Variants in PARD6G observed in about 807,000 individuals in gnomAD.
The protein encoded by PARD6G is partitioning defective 6 homolog gamma.
Under a neutral mutation model 10.7 loss-of-function variants are expected in PARD6G, and 7 were observed. The observed-to-expected ratio is 0.66, with a 90% CI of 0.37 to 1.23. The LOEUF is 1.23. Among genes scored for constraint, PARD6G ranks in the 50% most tolerant of loss-of-function variants. The pLI is 0.02. For synonymous variants in PARD6G, 287 were observed against 269.4 expected (o/e 1.07, Z -0.64); for missense variants, 548 against 571.8 (o/e 0.96, Z 0.42).
At chr18:80,226,487 T>A (rs1337396429) in intron 1 of PARD6G, among the ~76,000 whole-genome samples, 2 of 152,194 alleles carry the variant, frequency 1.3e-5, no homozygotes, top group Non-Finnish European at 2.9e-5. Flanking sequence ...TCTAGAGATA[T>A]CTTATGCATA....
intron 2 of PARD6G, among the ~76,000 whole-genome samples, chr18:80,167,167 G>C (rs55949110): frequency 6.6e-6 from 1 of 152,192 alleles, no homozygotes; most frequent in South Asian, 2.1e-4. Flanking sequence ...TCCTGCCTGA[G>C]AGCATCATGT....
intron 2 of PARD6G, among the ~76,000 whole-genome samples, chr18:80,190,387 C>T (rs1243939736): frequency 6.6e-6 from 1 of 152,198 alleles, no homozygotes; most frequent in Non-Finnish European, 1.5e-5. Context: ...GTGTACACTG[C>T]CTCTCGTCCA....
Position 80,189,290 on chromosome 18 carries a change from G to A in PARD6G, c.295+13420C>T, listed in dbSNP as rs2052895294. Reference sequence around the variant, plus strand: ...TTCTTTCTTTTTAAAGGAGATCACAGAAGGCCAACAAAGAGGCCTGGGGCA... The same window carrying A: ...TTCTTTCTTTTTAAAGGAGATCACAAAAGGCCAACAAAGAGGCCTGGGGCA... On this transcript the variant is annotated intron_variant, in intron 2 of 2. Coordinates refer to ENST00000353265, the MANE Select transcript of PARD6G (RefSeq NM_032510.4). The surrounding 1 kb of genome is among the most constrained non-coding windows in gnomAD (Gnocchi z 5.5). 1 of 152,236 alleles carries A rather than the reference G, an allele frequency of 6.6e-6. No individual in the cohort carries two copies. The highest frequency in any genetic ancestry group is 6.5e-5 in the Admixed American group (1 of 15,290). The allele number at this position is 152,236 out of a possible 1,614,324, so 9.4% of individuals were successfully genotyped here. A position where few individuals can be genotyped will look rare whatever the true frequency, so the allele number is the denominator to read the frequency against.
At chr18:80,209,485 A>G (rs1967086099) in intron 1 of PARD6G, among the ~76,000 whole-genome samples, 4 of 152,110 alleles carry the variant, frequency 2.6e-5, no homozygotes, top group African/African-American at 9.7e-5. Flanking sequence ...AATTATCTCA[A>G]ATACAAAATA....
chr18:80,220,395 A>G (rs1477809864), intron 1 of PARD6G, among the ~76,000 whole-genome samples: 1 of 152,146 alleles, frequency 6.6e-6, no homozygotes, highest in Non-Finnish European at 1.5e-5. Context: ...TCAAAATTAA[A>G]TGCAATGTGT....
In PARD6G at chr18:80,160,514, C is replaced by T. The variant is rs1339329555; in HGVS notation, c.388G>A (p.Ala130Thr). 3 of 1,530,644 alleles carry T rather than the reference C, an allele frequency of 2.0e-6. No individual in the cohort carries two copies. The highest frequency in any genetic ancestry group is 1.8e-6 in the Non-Finnish European group (2 of 1,138,700). 94.8% of individuals were successfully genotyped at this position (1,530,644 alleles called of 1,614,324 possible). A position where few individuals can be genotyped will look rare whatever the true frequency, so the allele number is the denominator to read the frequency against. The part of the protein sequence containing the change: ...ALRDEGPRRR[A>T]HLDIGLPRDF... Reference sequence around the variant, plus strand: ...CGCGGGAGGCCGATGTCCAGGTGTGCACGCCGCCGGGGTCCTTCATCACGC... The same window carrying T: ...CGCGGGAGGCCGATGTCCAGGTGTGTACGCCGCCGGGGTCCTTCATCACGC... The change falls in exon 3 of 3, where the codon GCA becomes ACA. Residue 130 changes from alanine (A) to threonine (T), a missense_variant. Ala to Thr is a moderately conservative substitution (Grantham distance 58). Transcript: ENST00000353265.
rs1332552470 is a variant in PARD6G, at chr18:80,188,363, C to T, written c.295+14347G>A. The stretch of plus-strand genomic sequence containing the variant: ...GGGAACAGAGACTTGGATTCCAGTG[C>T]TGGTGTCTCTTCCAACAAGAATACT... On this transcript the variant is annotated intron_variant, in intron 2 of 2. Coordinates refer to ENST00000353265, the MANE Select transcript of PARD6G (RefSeq NM_032510.4). This position sits in a 1 kb window ranked among gnomAD's most constrained non-coding sequence, Gnocchi z 5.4. Among the ~76,000 whole-genome samples the T allele has an allele frequency of 2.0e-5, 3 of 152,186 alleles. No homozygotes were observed. The highest frequency in any genetic ancestry group is 7.2e-5 in the African/African-American group (3 of 41,440).
At position 80,159,868 on chromosome 18, in the gene PARD6G, AGGCCGCCGT is replaced by A; in HGVS notation, c.1025_1033del (p.Asp342_Leu345delinsVal). The stretch of plus-strand genomic sequence containing the variant: ...CCGCAGGGAGCTGAGCAGCCGCTGG[AGGCCGCCGT>A]CCAGGGCCAGGTCCCGCTGCAGCCG... On this transcript the variant is annotated inframe_deletion, in exon 3 of 3. Transcript: ENST00000353265. 1.3e-6 allele frequency: 2 copies of A among 1,510,040 alleles called. No individual in the cohort carries two copies. Among genetic ancestry groups the A allele is most frequent in the Non-Finnish European group, 1.8e-6 (2 of 1,134,908 alleles). 93.5% of individuals were successfully genotyped at this position (1,510,040 alleles called of 1,614,324 possible).
At chr18:80,177,388 T>TCAC (rs2052819500) in intron 2 of PARD6G, among the ~76,000 whole-genome samples, 2 of 126,808 alleles carry the variant, frequency 1.6e-5, no homozygotes, top group African/African-American at 6.2e-5. Context: ...ACAGGATAAA[T>TCAC]AGCCCAAATG....
chr18:80,202,284 T>G (rs1190245898), intron 2 of PARD6G, among the ~76,000 whole-genome samples: 1 of 152,150 alleles, frequency 6.6e-6, no homozygotes, highest in Non-Finnish European at 1.5e-5. Flanking sequence ...TAAAATGATA[T>G]TATTACTTAT....
At position 80,182,436 on chromosome 18, in the gene PARD6G, C is replaced by G. The variant is rs2052853052; in HGVS notation, c.295+20274G>C. On this transcript the variant is annotated intron_variant, in intron 2 of 2. Coordinates refer to ENST00000353265, the MANE Select transcript of PARD6G (RefSeq NM_032510.4). The surrounding 1 kb of genome is among the most constrained non-coding windows in gnomAD (Gnocchi z 4.5). ...TGCTGGAACTACACTTAAAGAGCGA[C>G]CAGCTTTTACAGATACAAAAATAAA... Among the ~76,000 whole-genome samples the G allele has an allele frequency of 6.6e-6, 1 of 152,222 alleles. No individual in the cohort carries two copies. Among genetic ancestry groups the G allele is most frequent in the Admixed American group, 6.5e-5 (1 of 15,282 alleles).
At chr18:80,168,070 A>G (rs774850710) in intron 2 of PARD6G, among the ~76,000 whole-genome samples, 2 of 152,096 alleles carry the variant, frequency 1.3e-5, no homozygotes, top group African/African-American at 2.4e-5. Flanking sequence ...TCTTGAAGAG[A>G]TGGGCCGGCC....
Position 80,201,323 on chromosome 18 carries a change from C to T in PARD6G, c.295+1387G>A, listed in dbSNP as rs1967005162. On this transcript the variant is annotated intron_variant, in intron 2 of 2. Coordinates refer to ENST00000353265, the MANE Select transcript of PARD6G (RefSeq NM_032510.4). This position sits in a 1 kb window ranked among gnomAD's most constrained non-coding sequence, Gnocchi z 5.9. Reference sequence around the variant, plus strand: ...AGGGCAGGGGGCAGGGGGCACAGGCCTCCATTCCAGGACCAGCCAAGCAGC... The same window carrying T: ...AGGGCAGGGGGCAGGGGGCACAGGCTTCCATTCCAGGACCAGCCAAGCAGC... Among the ~76,000 whole-genome samples the T allele has an allele frequency of 1.3e-5, 2 of 152,168 alleles. No individual in the cohort carries two copies. Among genetic ancestry groups the T allele is most frequent in the African/African-American group, 4.8e-5 (2 of 41,426 alleles).
intron 1 of PARD6G, among the ~76,000 whole-genome samples, chr18:80,236,483 T>G (rs905797067): frequency 1.3e-5 from 2 of 152,234 alleles, no homozygotes; most frequent in African/African-American, 2.4e-5. Flanking sequence ...TTCAACATAG[T>G]GTTGGAAGTT....
intron 1 of PARD6G, among the ~76,000 whole-genome samples, chr18:80,212,467 T>C (rs912931106): frequency 2.0e-5 from 3 of 152,260 alleles, no homozygotes; most frequent in African/African-American, 7.2e-5. Flanking sequence ...TTGTTTGCTT[T>C]TGAACTGCAT....
At chr18:80,202,619 A>G in intron 2 of PARD6G, 91 bp downstream of exon 2, 1 of 1,120,798 alleles carries the variant, frequency 8.9e-7, no homozygotes, top group South Asian at 1.4e-5. Context: ...AAAACGAACC[A>G]CATAGTCCTG....
chr18:80,197,674 CAG>C (rs1260635972), intron 2 of PARD6G: 1 of 152,320 alleles, frequency 6.6e-6, no homozygotes. Flanking sequence ...CTAGCATTTG[CAG>C]AGTTTATTTG....
intron 2 of PARD6G, among the ~76,000 whole-genome samples, chr18:80,193,307 AC>A (rs1966916495): frequency 1.3e-5 from 2 of 152,192 alleles, no homozygotes; most frequent in African/African-American, 4.8e-5. Context: ...CAGAGACTCA[AC>A]AAACTCCATC....
rs753393239 is a variant in PARD6G, at chr18:80,160,082, C to T, written c.820G>A (p.Ala274Thr). Reference protein sequence around the residue: ...GSSGPPSDGTAGFVGPPAPRV... With the variant: ...GSSGPPSDGTTGFVGPPAPRV... Reference sequence around the variant, plus strand: ...GGGGCGGGGGGACCCACGAAGCCCGCGGTGCCGTCCGAGGGCGGTCCCGAG... The same window carrying T: ...GGGGCGGGGGGACCCACGAAGCCCGTGGTGCCGTCCGAGGGCGGTCCCGAG... Residue 274 changes from alanine to threonine, a missense_variant, in exon 3 of 3, where the codon GCG (alanine) becomes ACG (threonine). This residue lies in a region of PARD6G where 313 missense variants were observed against 279.9 expected (regional missense o/e 1.12). Transcript: ENST00000353265. 7.1e-5 allele frequency: 112 copies of T among 1,587,134 alleles called. No homozygotes were observed. The highest frequency in any genetic ancestry group is 2.2e-4 in the Admixed American group (13 of 57,852).
Sources: allele counts gnomAD v4.1 joint callset (sites outside exome capture counted in the v4.1 genomes callset), GRCh38; gene constraint gnomAD v4.1.1; regional missense constraint gnomAD v4.1.1; non-coding constraint Gnocchi (gnomAD v3.1); transcripts MANE v1.5; gene names NCBI Gene and HGNC (gene_info 2026-07-23, HGNC 2026-07-21).